CNTN4: variants seen among roughly 807,000 people sequenced by gnomAD.
CNTN4 encodes the protein contactin 4, also known as contactin-4.
In CNTN4, 77 loss-of-function variants were observed where a neutral mutation model predicts 122.5. The observed-to-expected ratio is 0.63, with a 90% CI of 0.52 to 0.76. CNTN4 has a LOEUF of 0.76. CNTN4 is among the 30% of genes least tolerant of loss of function. The probability of loss-of-function intolerance (pLI) is 0.00; values close to 1 mark genes in which losing one functional copy is unlikely to be tolerated. For missense variants in CNTN4, 1,256 were observed against 1,259.1 expected, an observed-to-expected ratio of 1.00 and a Z score of 0.04; for synonymous variants, 512 against 447.0, an observed-to-expected ratio of 1.15 and a Z score of -1.83.
chr3:2,330,807 T>A (rs936336329), intron 2 of CNTN4, among the ~76,000 whole-genome samples: 3 of 152,208 alleles, frequency 2.0e-5, no homozygotes, highest in African/African-American at 7.2e-5. Context: ...CTGTGACCTG[T>A]GCTCTATATT....
intron 13 of CNTN4, among the ~76,000 whole-genome samples, chr3:2,979,395 T>C (rs1693746225): frequency 1.3e-5 from 2 of 152,166 alleles, no homozygotes; most frequent in African/African-American, 4.8e-5. Flanking sequence ...AAAAAAATAA[T>C]TAAACCATCT....
chr3:2,670,919 G>A (rs2084473216), intron 4 of CNTN4, among the ~76,000 whole-genome samples: 1 of 152,088 alleles, frequency 6.6e-6, no homozygotes, highest in Admixed American at 6.6e-5. Context: ...TTGAATATTG[G>A]CCCCCCACTC....
intron 2 of CNTN4, among the ~76,000 whole-genome samples, chr3:2,190,277 G>C (rs1176212726): frequency 6.6e-6 from 1 of 151,392 alleles, no homozygotes; most frequent in African/African-American, 2.4e-5. Context: ...AAGCAGTTGG[G>C]TGGATCTAGG....
intron 3 of CNTN4, among the ~76,000 whole-genome samples, chr3:2,340,710 T>TATATATATATATAGAGAGAGAGAGAG: frequency 2.1e-3 from 38 of 18,294 alleles, no homozygotes; most frequent in East Asian, 5.0e-3. Context: ...TATATATATA[T>TATATATATATATAGAGAGAGAGAGAG]AGAGAGAGAG....
intron 3 of CNTN4, among the ~76,000 whole-genome samples, chr3:2,386,490 TC>T (rs2046262045): frequency 6.6e-6 from 1 of 152,202 alleles, no homozygotes; most frequent in Admixed American, 6.5e-5. Context: ...TTAGTTTAAA[TC>T]ATTGTTTGCA....
intron 6 of CNTN4, among the ~76,000 whole-genome samples, chr3:2,754,119 A>G (rs1266771425): frequency 6.6e-6 from 1 of 152,162 alleles, no homozygotes; most frequent in East Asian, 1.9e-4. Context: ...TTTCTCCCCT[A>G]CATGTGAGAA....
In CNTN4 at chr3:2,739,607, G is replaced by A. The variant is rs981109580; in HGVS notation, c.182+3266G>A. 5.3e-5 allele frequency among the ~76,000 whole-genome samples: 8 copies of A among 151,820 alleles called. 1 individual carries two copies. Among genetic ancestry groups the A allele is most frequent in the Admixed American group, 4.6e-4 (7 of 15,220 alleles). On this transcript the variant is annotated intron_variant, in intron 5 of 24. Transcript: ENST00000418658. ...TTCAAGGTATAGAGGAAGTAACAGA[G>A]GAAGCAAAACTTTACCCCTCCTCTC... is the stretch of plus-strand genomic sequence containing the variant.
At chr3:2,551,028 C>G (rs2078480693) in intron 3 of CNTN4, among the ~76,000 whole-genome samples, 1 of 151,944 alleles carries the variant, frequency 6.6e-6, no homozygotes. Context: ...GTGCAGCAAA[C>G]CATCATGGCA....
intron 4 of CNTN4, among the ~76,000 whole-genome samples, chr3:2,667,340 A>T (rs2084229558): frequency 6.6e-6 from 1 of 152,182 alleles, no homozygotes; most frequent in South Asian, 2.1e-4. Flanking sequence ...TCTGATGGCC[A>T]GTGATAATGA....
intron 2 of CNTN4, among the ~76,000 whole-genome samples, chr3:2,169,446 A>T (rs553016530): frequency 6.6e-6 from 1 of 151,902 alleles, no homozygotes; most frequent in Non-Finnish European, 1.5e-5. Context: ...TGGCTCTGTC[A>T]CTCAGGCTGG....
intron 4 of CNTN4, among the ~76,000 whole-genome samples, chr3:2,627,669 A>G (rs1462097309): frequency 2.0e-5 from 3 of 151,362 alleles, no homozygotes; most frequent in South Asian, 4.2e-4. Flanking sequence ...AATTTTTTGT[A>G]TTTTTAGTAG....
intron 2 of CNTN4, among the ~76,000 whole-genome samples, chr3:2,151,408 A>G (rs1451561738): frequency 6.6e-6 from 1 of 152,220 alleles, no homozygotes; most frequent in African/African-American, 2.4e-5. Context: ...CAGAAGGAAC[A>G]GCATGGGCCA....
At chr3:2,865,403 A>G (rs1037458640) in intron 7 of CNTN4, among the ~76,000 whole-genome samples, 2 of 152,198 alleles carry the variant, frequency 1.3e-5, no homozygotes, top group African/African-American at 4.8e-5. Context: ...TGCCTTTTAC[A>G]GTAATTAGCG....
intron 23 of CNTN4, among the ~76,000 whole-genome samples, chr3:3,048,927 G>T (rs982091712): frequency 2.0e-5 from 3 of 152,112 alleles, no homozygotes; most frequent in Admixed American, 6.6e-5. Context: ...CTACTTTATG[G>T]CATTAGAGCT....
At chr3:2,766,722 C>G (rs181307567) in intron 6 of CNTN4, among the ~76,000 whole-genome samples, 63 of 152,202 alleles carry the variant, frequency 4.1e-4, no homozygotes, top group Non-Finnish European at 4.7e-4. Context: ...CCAAATACCC[C>G]CTGTTCCCCC....
chr3:2,122,095 C>T (rs2033832696), intron 2 of CNTN4, among the ~76,000 whole-genome samples: 1 of 150,294 alleles, frequency 6.7e-6, no homozygotes, highest in African/African-American at 2.5e-5. Flanking sequence ...GCGGAGCTTG[C>T]AGTGAGCTGA....
intron 8 of CNTN4, among the ~76,000 whole-genome samples, chr3:2,877,712 G>A (rs531612575): frequency 8.6e-4 from 131 of 152,144 alleles, no homozygotes; most frequent in Non-Finnish European, 1.0e-3. Context: ...ATCAATGTTC[G>A]CACTCTTTTA....
intron 14 of CNTN4, among the ~76,000 whole-genome samples, chr3:3,013,886 C>T (rs946095780): frequency 2.0e-5 from 3 of 152,134 alleles, no homozygotes; most frequent in Admixed American, 1.3e-4. Flanking sequence ...TGGCATGTGT[C>T]ATACAAATAA....
At chr3:2,218,106 T>C (rs894020196) in intron 2 of CNTN4, among the ~76,000 whole-genome samples, 3 of 152,088 alleles carry the variant, frequency 2.0e-5, no homozygotes, top group African/African-American at 7.2e-5. Context: ...GGGAAATGCA[T>C]GTGAAGAATG....
Sources: allele counts gnomAD v4.1 joint callset (sites outside exome capture counted in the v4.1 genomes callset), GRCh38; gene constraint gnomAD v4.1.1; transcripts MANE v1.5; gene names NCBI Gene and HGNC (gene_info 2026-07-23, HGNC 2026-07-21).